PARD3B: variants seen among roughly 807,000 people sequenced by gnomAD.
The protein encoded by PARD3B is par-3 family cell polarity regulator beta.
In PARD3B, 103 loss-of-function variants were observed where a neutral mutation model predicts 130.2. The observed-to-expected ratio is 0.79, with a 90% CI of 0.67 to 0.93. The LOEUF (loss-of-function observed/expected upper bound fraction) is 0.93, where lower values mean the gene tolerates loss of function less well. PARD3B is among the 40% of genes least tolerant of loss of function. The probability of loss-of-function intolerance (pLI) is 0.00; values close to 1 mark genes in which losing one functional copy is unlikely to be tolerated. For synonymous variants in PARD3B, 583 were observed against 553.2 expected, an observed-to-expected ratio of 1.05 and a Z score of -0.76; for missense variants, 1,609 against 1,499.2, an observed-to-expected ratio of 1.07 and a Z score of -1.21.
At chr2:204,843,018 CA>C (rs2044314390) in intron 2 of PARD3B, among the ~76,000 whole-genome samples, 1 of 152,094 alleles carries the variant, frequency 6.6e-6, no homozygotes, top group African/African-American at 2.4e-5. Flanking sequence ...AGGGCTTATT[CA>C]AACATGCGTG....
chr2:205,111,086 A>T (rs7585765), intron 5 of PARD3B, among the ~76,000 whole-genome samples: 151,007 of 152,202 alleles, frequency 0.99, 74,928 homozygotes, highest in Middle Eastern at 1. Context: ...CTCCTTTCTA[A>T]CTTGAAACAA....
At chr2:205,198,126 A>C (rs1420156741) in intron 15 of PARD3B, among the ~76,000 whole-genome samples, 1 of 152,142 alleles carries the variant, frequency 6.6e-6, no homozygotes, top group Non-Finnish European at 1.5e-5. Context: ...CCCCATTCAG[A>C]GTTAAGTTTA....
intron 2 of PARD3B, among the ~76,000 whole-genome samples, chr2:204,802,755 A>G (rs2042617244): frequency 6.6e-6 from 1 of 152,026 alleles, no homozygotes; most frequent in Non-Finnish European, 1.5e-5. Context: ...AAAACCAAAC[A>G]CCGCATATTC....
chr2:204,660,497 A>G (rs889371982), intron 1 of PARD3B, among the ~76,000 whole-genome samples: 2 of 152,192 alleles, frequency 1.3e-5, no homozygotes, highest in East Asian at 1.9e-4. Context: ...ATAGAAATGT[A>G]TGATCTTTTA....
Position 205,122,135 on chromosome 2 carries a change from T to C in PARD3B, c.1165+186T>C, listed in dbSNP as rs183176643. ...TACTTTTTTATTCTTTTCTTCGGAG[T>C]GTATAGATTATTTTAAACAAGAAAA... is the stretch of plus-strand genomic sequence containing the variant. On this transcript the variant is annotated intron_variant, in intron 8 of 22. Transcript: ENST00000406610. The surrounding 1 kb of genome is among the most constrained non-coding windows in gnomAD (Gnocchi z 4.3). 3.2e-4 allele frequency among the ~76,000 whole-genome samples: 48 copies of C among 152,228 alleles called. 1 individual carries two copies. The highest frequency in any genetic ancestry group is 2.4e-3 in the Admixed American group (36 of 15,284).
chr2:204,972,020 T>C (rs982564863), intron 3 of PARD3B, among the ~76,000 whole-genome samples: 1 of 152,074 alleles, frequency 6.6e-6, no homozygotes, highest in Non-Finnish European at 1.5e-5. Context: ...TGGAAGAATG[T>C]CACGTTATTC....
In PARD3B at chr2:204,610,482, A is replaced by T. The variant is rs970717957; in HGVS notation, c.120+64363A>T. 6.6e-6 allele frequency among the ~76,000 whole-genome samples: 1 copy of T among 152,010 alleles called. No individual in the cohort carries two copies. The highest frequency in any genetic ancestry group is 1.5e-5 in the Non-Finnish European group (1 of 67,986). ...GCGATTCTCCTGCGTCAGCCTCCCG[A>T]GTGGCTGGGATTACAGATGCACACC... On this transcript the variant is annotated intron_variant, in intron 1 of 22. Coordinates refer to ENST00000406610, the MANE Select transcript of PARD3B (RefSeq NM_001302769.2). This position sits in a 1 kb window ranked among gnomAD's most constrained non-coding sequence, Gnocchi z 4.1.
At chr2:204,636,096 T>A (rs114978117) in intron 1 of PARD3B, among the ~76,000 whole-genome samples, 3,078 of 152,192 alleles carry the variant, frequency 0.02, 93 homozygotes, top group African/African-American at 0.071. Context: ...ATTAAATATT[T>A]TAATTTAAAT....
At chr2:204,561,752 C>T (rs142886314) in intron 1 of PARD3B, among the ~76,000 whole-genome samples, 6 of 152,094 alleles carry the variant, frequency 3.9e-5, no homozygotes, top group African/African-American at 9.6e-5. Context: ...CACGCTACCA[C>T]GCCCGGCTAA....
chr2:205,189,053 G>C (rs1311457849), intron 14 of PARD3B, among the ~76,000 whole-genome samples: 2 of 152,196 alleles, frequency 1.3e-5, no homozygotes, highest in South Asian at 4.1e-4. Context: ...ATCTCAGGCA[G>C]AGTTGAAGCT....
At chr2:205,402,532 A>G (rs912646957) in intron 19 of PARD3B, among the ~76,000 whole-genome samples, 2 of 152,132 alleles carry the variant, frequency 1.3e-5, no homozygotes, top group Non-Finnish European at 2.9e-5. Flanking sequence ...GGGACAGGGG[A>G]AAAAAACTCT....
At chr2:205,002,558 A>G (rs1197647643) in intron 3 of PARD3B, among the ~76,000 whole-genome samples, 4 of 152,060 alleles carry the variant, frequency 2.6e-5, no homozygotes, top group African/African-American at 9.7e-5. Context: ...GGTAGGCTCA[A>G]CCACTTCTTA....
chr2:204,723,245 AT>A (rs1315659202), intron 2 of PARD3B, among the ~76,000 whole-genome samples: 4 of 152,144 alleles, frequency 2.6e-5, no homozygotes, highest in African/African-American at 9.7e-5. Context: ...GATTCAGTTG[AT>A]TTTTTAAAAT....
At chr2:204,771,701 A>G (rs982667531) in intron 2 of PARD3B, among the ~76,000 whole-genome samples, 11 of 152,098 alleles carry the variant, frequency 7.2e-5, no homozygotes, top group Non-Finnish European at 1.3e-4. Context: ...GCTGTTTTTT[A>G]TTTAAAGAGA....
At chr2:204,954,993 G>A (rs1690115091) in intron 2 of PARD3B, among the ~76,000 whole-genome samples, 1 of 152,008 alleles carries the variant, frequency 6.6e-6, no homozygotes, top group African/African-American at 2.4e-5. Flanking sequence ...TTACAAAATA[G>A]GCTGCTCTAT....
At position 205,121,612 on chromosome 2, in the gene PARD3B, G is replaced by A. The variant is rs751330408; in HGVS notation, c.828G>A (p.Gln276=). The change falls in exon 8 of 23, where the codon CAG becomes CAA. Residue 276 remains glutamine (Q), a synonymous_variant. Transcript: ENST00000406610. This position sits in a 1 kb window ranked among gnomAD's most constrained non-coding sequence, Gnocchi z 5.0. The part of the protein sequence containing the change: ...TFAQAQDVFR[Q]AMKSPSVLLH... ...CCAGGGCTCAAGATGTCTTCCGCCA[G>A]GCAATGAAATCTCCAAGTGTGCTCC... 4.3e-6 allele frequency: 7 copies of A among 1,612,978 alleles called. No homozygotes were observed. Among genetic ancestry groups the A allele is most frequent in the Non-Finnish European group, 5.1e-6 (6 of 1,179,044 alleles).
intron 2 of PARD3B, among the ~76,000 whole-genome samples, chr2:204,697,912 T>G (rs779080095): frequency 6.6e-6 from 1 of 152,140 alleles, no homozygotes; most frequent in Non-Finnish European, 1.5e-5. Context: ...AAGAGAGATT[T>G]GCTGAGTCCT....
At chr2:205,551,153 T>C (rs1417473505) in intron 21 of PARD3B, among the ~76,000 whole-genome samples, 1 of 151,344 alleles carries the variant, frequency 6.6e-6, no homozygotes, top group African/African-American at 2.4e-5. Flanking sequence ...CAAGAAAAAG[T>C]TCAGTTGGAA....
chr2:205,582,044 A>G (rs1013976039), intron 22 of PARD3B, among the ~76,000 whole-genome samples: 1 of 152,172 alleles, frequency 6.6e-6, no homozygotes, highest in African/African-American at 2.4e-5. Flanking sequence ...TCCCTCATGC[A>G]ATCAGTCCTC....
Sources: gnomAD v4.1 joint callset for allele counts (sites outside exome capture counted in the v4.1 genomes callset) on GRCh38, gnomAD v4.1.1 for gene constraint, Gnocchi (gnomAD v3.1) non-coding constraint, MANE v1.5 for transcripts, NCBI Gene and HGNC (gene_info 2026-07-23, HGNC 2026-07-21) for gene names.